The following TRHR variants were observed in gnomAD, a reference collection of about 807,000 sequenced individuals.
TRHR encodes the protein thyrotropin-releasing hormone receptor.
TRHR carries 14 observed loss-of-function variants against 28.0 expected under a neutral mutation model. That is an observed-to-expected ratio of 0.50 (90% CI 0.33 to 0.78). The LOEUF (loss-of-function observed/expected upper bound fraction) is 0.78. Among genes scored for constraint, TRHR ranks in the 30% least tolerant of loss-of-function variants. The pLI, the probability that TRHR is intolerant of heterozygous loss-of-function variation, is 0.02. For missense variants in TRHR, 438 were observed against 469.5 expected (o/e 0.93, Z 0.62); for synonymous variants, 176 against 171.9 (o/e 1.02, Z -0.18).
chr8:109,102,886 G>T (rs1483675610), intron 2 of TRHR, among the ~76,000 whole-genome samples: 1 of 152,100 alleles, frequency 6.6e-6, no homozygotes, highest in Non-Finnish European at 1.5e-5. Context: ...ATTTAGAAGA[G>T]CCACTTTATT....
intron 1 of TRHR, 119 bp from the exon 2 acceptor site, chr8:109,087,306 G>A: frequency 1.6e-6 from 1 of 629,236 alleles, no homozygotes; most frequent in Non-Finnish European, 2.8e-6. Context: ...AAGTACACAT[G>A]AGCCCTATTC....
chr8:109,087,683 G>A lies in TRHR; in HGVS notation c.171G>A (p.Arg57=). The change falls in exon 2 of 3, where the codon AGG becomes AGA. Residue 57 remains arginine (R), a synonymous_variant. Transcript: ENST00000518632. ...VLVVMRTKHM[R]TPTNCYLVSL... ...TTGTCATGAGAACCAAGCACATGAGGACCCCCACAAACTGCTACCTGGTGA... is the reference window on the plus strand; with the variant it reads ...TTGTCATGAGAACCAAGCACATGAGAACCCCCACAAACTGCTACCTGGTGA... 6.2e-7 allele frequency: 1 copy of A among 1,614,094 alleles called. No individual in the cohort carries two copies. The highest frequency in any genetic ancestry group is 8.5e-7 in the Non-Finnish European group (1 of 1,180,034).
In TRHR at chr8:109,100,487, A is replaced by G. The variant is rs185348465; in HGVS notation, c.789+12186A>G. Among the ~76,000 whole-genome samples the G allele has an allele frequency of 5.7e-4, 87 of 152,230 alleles. 1 individual carries two copies. The highest frequency in any genetic ancestry group is 1.8e-3 in the African/African-American group (74 of 41,538). On this transcript the variant is annotated intron_variant, in intron 2 of 2. Transcript: ENST00000518632. ...TAATTCTATTATTACAATCCCTTCC[A>G]GCATGTTATATTATATGGGACAGGA...
chr8:109,113,228 T>A (rs556004303), intron 2 of TRHR, among the ~76,000 whole-genome samples: 2 of 152,278 alleles, frequency 1.3e-5, no homozygotes, highest in South Asian at 4.1e-4. Flanking sequence ...ATGTTTACTA[T>A]CGCTAACTTC....
intron 2 of TRHR, among the ~76,000 whole-genome samples, chr8:109,106,247 C>T (rs983516215): frequency 6.6e-6 from 1 of 152,064 alleles, no homozygotes; most frequent in Admixed American, 6.6e-5. Context: ...GAGAAATAGC[C>T]TTCTACAACT....
At chr8:109,091,630 A>C (rs1811517958) in intron 2 of TRHR, among the ~76,000 whole-genome samples, 2 of 152,242 alleles carry the variant, frequency 1.3e-5, no homozygotes, top group South Asian at 4.1e-4. Context: ...GAGCATTTAC[A>C]TGTAAGGGAC....
At chr8:109,112,931 A>C (rs1586194860) in intron 2 of TRHR, among the ~76,000 whole-genome samples, 1 of 152,284 alleles carries the variant, frequency 6.6e-6, no homozygotes, top group East Asian at 1.9e-4. Flanking sequence ...ATATGGCTCA[A>C]ATGGTTCAAT....
At position 109,119,500 on chromosome 8, in the gene TRHR, G is replaced by T. The variant is rs770880062; in HGVS notation, c.*45G>T. 5 of 1,602,330 alleles carry T rather than the reference G, an allele frequency of 3.1e-6. No homozygotes were observed. In the East Asian group the frequency reaches 8.9e-5, roughly 29 times the overall value. On this transcript the variant is annotated 3_prime_UTR_variant, in exon 3 of 3. Coordinates refer to ENST00000518632, the MANE Select transcript of TRHR (RefSeq NM_003301.7). ...TGGATGACAAAGAAAATGAGAATCT[G>T]TGCAGTCATCAACAAAAGGGAGAAC...
At chr8:109,103,321 CTAGAAACACATT>C (rs1316683549) in intron 2 of TRHR, among the ~76,000 whole-genome samples, 1 of 151,950 alleles carries the variant, frequency 6.6e-6, no homozygotes, top group African/African-American at 2.4e-5. Flanking sequence ...TTAAAGAATT[CTAGAAACACATT>C]TAGAAGCAAT....
rs962577203 is a variant in TRHR, at chr8:109,119,819, CT to C, written c.*366del. Reference sequence around the variant, plus strand: ...AACCTTATCAAATGTCACTTTTCAACTTCCCTAATTTATTTATACATTCGAT... The same window carrying C: ...AACCTTATCAAATGTCACTTTTCAACTCCCTAATTTATTTATACATTCGAT... On this transcript the variant is annotated 3_prime_UTR_variant, in exon 3 of 3. Coordinates refer to ENST00000518632, the MANE Select transcript of TRHR (RefSeq NM_003301.7). 6.6e-6 allele frequency among the ~76,000 whole-genome samples: 1 copy of C among 151,912 alleles called. No homozygotes were observed. Among genetic ancestry groups the C allele is most frequent in the Admixed American group, 6.6e-5 (1 of 15,220 alleles).
intron 2 of TRHR, among the ~76,000 whole-genome samples, chr8:109,105,451 T>C (rs1262277102): frequency 1.3e-5 from 2 of 152,180 alleles, no homozygotes; most frequent in Non-Finnish European, 2.9e-5. Context: ...GTTGAATACT[T>C]GCACATCTCT....
chr8:109,109,861 A>G (rs976953340), intron 2 of TRHR, among the ~76,000 whole-genome samples: 26 of 152,208 alleles, frequency 1.7e-4, no homozygotes, highest in African/African-American at 5.8e-4. Context: ...ATCCCACACC[A>G]GAGTGAGAAG....
At chr8:109,106,664 G>A (rs919237748) in intron 2 of TRHR, among the ~76,000 whole-genome samples, 3 of 151,994 alleles carry the variant, frequency 2.0e-5, no homozygotes, top group African/African-American at 7.2e-5. Context: ...TACATATCCT[G>A]CCCTTTTATA....
chr8:109,114,334 G>A (rs1192549720), intron 2 of TRHR, among the ~76,000 whole-genome samples: 2 of 151,940 alleles, frequency 1.3e-5, no homozygotes, highest in Non-Finnish European at 2.9e-5. Context: ...AATCTCTTTT[G>A]ATTGCCTTCA....
At chr8:109,117,873 C>G (rs1207124237) in intron 2 of TRHR, among the ~76,000 whole-genome samples, 1 of 151,882 alleles carries the variant, frequency 6.6e-6, no homozygotes, top group African/African-American at 2.4e-5. Flanking sequence ...AGTGTGAAAT[C>G]ACATATTCTC....
At chr8:109,109,525 A>G (rs1811798478) in intron 2 of TRHR, among the ~76,000 whole-genome samples, 1 of 151,996 alleles carries the variant, frequency 6.6e-6, no homozygotes, top group South Asian at 2.1e-4. Context: ...TATTTTAATT[A>G]TCTTTCTTCC....
rs907079252 is a variant in TRHR, at chr8:109,120,431, G to A, written c.*976G>A. Among the ~76,000 whole-genome samples the A allele has an allele frequency of 2.0e-5, 3 of 151,676 alleles. No individual in the cohort carries two copies. Among genetic ancestry groups the A allele is most frequent in the African/African-American group, 4.8e-5 (2 of 41,360 alleles). On this transcript the variant is annotated 3_prime_UTR_variant, in exon 3 of 3. Transcript: ENST00000518632. Reference sequence around the variant, plus strand: ...CTGAAACATTCTTAAAAGCTTTGTTGTTATTCTAAGTCAGCCAAAATCCTG... The same window carrying A: ...CTGAAACATTCTTAAAAGCTTTGTTATTATTCTAAGTCAGCCAAAATCCTG...
chr8:109,087,734 C>A lies in TRHR; in HGVS notation c.222C>A (p.Val74=). The A allele has an allele frequency of 6.2e-7, 1 of 1,614,160 alleles. No homozygotes were observed. The highest frequency in any genetic ancestry group is 8.5e-7 in the Non-Finnish European group (1 of 1,180,036). The change falls in exon 2 of 3, where the codon GTC becomes GTA. Residue 74 remains valine, a synonymous_variant. Transcript: ENST00000518632. ...LVSLAVADLM[V]LVAAGLPNIT... ...GCCTGGCAGTAGCTGATCTCATGGT[C>A]TTGGTGGCCGCAGGCCTCCCCAACA...
chr8:109,111,431 G>A (rs1811829150), intron 2 of TRHR, among the ~76,000 whole-genome samples: 1 of 152,064 alleles, frequency 6.6e-6, no homozygotes, highest in Non-Finnish European at 1.5e-5. Flanking sequence ...CAGAAATACT[G>A]GAGAACATGG....
Sources: gnomAD v4.1 joint callset for allele counts (sites outside exome capture counted in the v4.1 genomes callset) on GRCh38, gnomAD v4.1.1 for gene constraint, MANE v1.5 for transcripts, NCBI Gene and HGNC (gene_info 2026-07-23, HGNC 2026-07-21) for gene names.